Variants in POLH observed in about 807,000 individuals in gnomAD.
POLH encodes the protein DNA polymerase eta, also known as DNA polymerase eta transcript.
POLH carries 53 observed loss-of-function variants against 73.6 expected under a neutral mutation model. The ratio of observed to expected loss-of-function variants is 0.72; its 90% CI spans 0.58 to 0.91. The LOEUF (loss-of-function observed/expected upper bound fraction) is 0.91, where lower values mean the gene tolerates loss of function less well. Among genes scored for constraint, POLH ranks in the 40% least tolerant of loss-of-function variants. The probability of loss-of-function intolerance (pLI) is 0.00; values close to 1 mark genes in which losing one functional copy is unlikely to be tolerated. For synonymous variants in POLH, 292 were observed against 308.5 expected, an observed-to-expected ratio of 0.95 and a Z score of 0.56; for missense variants, 768 against 865.4, an observed-to-expected ratio of 0.89 and a Z score of 1.41.
intron 5 of POLH, among the ~76,000 whole-genome samples, chr6:43,599,277 C>A (rs904740745): frequency 1.8e-4 from 27 of 152,112 alleles, no homozygotes; most frequent in African/African-American, 5.3e-4. Context: ...GCATGAGCCA[C>A]CGCGCCCGGC....
chr6:43,602,116 G>A (rs775876096), intron 6 of POLH, among the ~76,000 whole-genome samples: 6 of 152,066 alleles, frequency 3.9e-5, no homozygotes, highest in South Asian at 2.1e-4. Flanking sequence ...TTAACTTCCC[G>A]CTAGACTTTT....
At position 43,614,227 on chromosome 6, in the gene POLH, G is replaced by A; in HGVS notation, c.1812G>A (p.Met604Ile). ...EMDLAHNSQS[M>I]HASSASKSVL... ...ATTTGGCCCACAACAGCCAAAGCAT[G>A]CACGCCTCTTCAGCTTCCAAATCTG... The change falls in exon 11 of 11, where the codon ATG becomes ATA. Residue 604 changes from methionine to isoleucine, a missense_variant. Transcript: ENST00000372236. The A allele has an allele frequency of 6.2e-7, 1 of 1,610,444 alleles. No individual in the cohort carries two copies. Among genetic ancestry groups the A allele is most frequent in the Non-Finnish European group, 8.5e-7 (1 of 1,177,204 alleles).
chr6:43,600,990 C>G lies in POLH; in HGVS notation c.663C>G (p.Val221=), dbSNP rs1210220907. The G allele has an allele frequency of 1.9e-6, 3 of 1,612,436 alleles. No individual in the cohort carries two copies. The South Asian group carries it at 3.3e-5, about 18-fold the overall frequency. Residue 221 remains valine, a splice_region_variant and synonymous_variant, in exon 6 of 11, where the codon GTC becomes GTG. Transcript: ENST00000372236. The part of the protein sequence containing the change: ...QCSAGISHNK[V]LAKLACGLNK... ...TTTTATACTTTGCATGCTTCCAGGT[C>G]CTGGCAAAACTGGCCTGTGGACTAA... is the stretch of plus-strand genomic sequence containing the variant.
intron 5 of POLH, among the ~76,000 whole-genome samples, chr6:43,598,527 C>T (rs1480016465): frequency 3.3e-5 from 5 of 151,084 alleles, no homozygotes; most frequent in South Asian, 4.2e-4. Flanking sequence ...CCCAGCTACC[C>T]GGGAGGCTGA....
intron 5 of POLH, among the ~76,000 whole-genome samples, chr6:43,599,981 A>C (rs1766546671): frequency 2.0e-5 from 3 of 151,778 alleles, no homozygotes. Flanking sequence ...CAATATGGAG[A>C]AACTCCGTCT....
At chr6:43,583,345 G>C (rs1162652179) in intron 3 of POLH, among the ~76,000 whole-genome samples, 1 of 152,160 alleles carries the variant, frequency 6.6e-6, no homozygotes, top group Non-Finnish European at 1.5e-5. Flanking sequence ...CCATATAAGA[G>C]TTGCTGCCTT....
At chr6:43,606,203 A>G (rs1372775597) in intron 9 of POLH, among the ~76,000 whole-genome samples, 1 of 151,936 alleles carries the variant, frequency 6.6e-6, no homozygotes, top group East Asian at 1.9e-4. Context: ...CTCTAATAGA[A>G]TTTTATTAAC....
In POLH at chr6:43,614,800, G is replaced by A; in HGVS notation, c.*243G>A. 1 of 491,100 alleles carries A rather than the reference G, an allele frequency of 2.0e-6. No homozygotes were observed. Among genetic ancestry groups the A allele is most frequent in the East Asian group, 3.5e-5 (1 of 28,508 alleles). The allele number at this position is 491,100 out of a possible 1,614,324, so 30.4% of individuals were successfully genotyped here. ...GTTTTTAATCTTTAGCATTTAGGGA[G>A]GCAGTGTCATAAAGTAAAAAGTGTG... On this transcript the variant is annotated 3_prime_UTR_variant, in exon 11 of 11. Transcript: ENST00000372236.
intron 4 of POLH, among the ~76,000 whole-genome samples, chr6:43,589,113 C>T (rs1765166081): frequency 6.6e-6 from 1 of 152,248 alleles, no homozygotes; most frequent in South Asian, 2.1e-4. Context: ...GCTGGGATTA[C>T]AGGTGTGAGC....
intron 9 of POLH, among the ~76,000 whole-genome samples, chr6:43,608,534 T>C (rs931574144): frequency 1.3e-4 from 20 of 152,204 alleles, no homozygotes; most frequent in Non-Finnish European, 1.9e-4. Flanking sequence ...CACTTTTTTT[T>C]CCTAAGAGAC....
In POLH at chr6:43,578,526, A is replaced by G. The variant is rs922072021; in HGVS notation, c.-5+2086A>G. On this transcript the variant is annotated intron_variant, in intron 1 of 10. Coordinates refer to ENST00000372236, the MANE Select transcript of POLH (RefSeq NM_006502.3). ...GGGACAAGAGCGAGACTTTGTCTCA[A>G]AAAAAAAAAAGTGTCATGGTCATGA... 3.0e-5 allele frequency: 9 copies of G among 301,482 alleles called. No homozygotes were observed. In the Admixed American group the frequency reaches 3.9e-4, roughly 13 times the overall value. 18.7% of individuals were successfully genotyped at this position (301,482 alleles called of 1,614,324 possible).
At chr6:43,597,403 C>T (rs1009138162) in intron 4 of POLH, among the ~76,000 whole-genome samples, 6 of 152,218 alleles carry the variant, frequency 3.9e-5, no homozygotes, top group African/African-American at 1.4e-4. Flanking sequence ...GCGTGAGCCA[C>T]CGTGCCTGGC....
rs2127773194 is a variant in POLH, at chr6:43,582,431, C to G, written c.112C>G (p.Gln38Glu). The G allele has an allele frequency of 6.2e-7, 1 of 1,613,928 alleles. No individual in the cohort carries two copies. Among genetic ancestry groups the G allele is most frequent in the Non-Finnish European group, 8.5e-7 (1 of 1,179,820 alleles). The change falls in exon 2 of 11, where the codon CAG (glutamine) becomes GAG (glutamate). Residue 38 changes from glutamine to glutamate, a missense_variant. By Grantham distance (29) the Gln-to-Glu change is conservative (BLOSUM62 2). Transcript: ENST00000372236. ...HLRNKPCAVV[Q>E]YKSWKGGGII... ...GAGGAATAAACCTTGTGCAGTTGTA[C>G]AGTACAAATCATGGAAGGGTGGTGG...
intron 4 of POLH, among the ~76,000 whole-genome samples, chr6:43,589,210 T>C (rs569843118): frequency 6.6e-6 from 1 of 152,330 alleles, no homozygotes; most frequent in East Asian, 1.9e-4. Flanking sequence ...TTATTTGTAA[T>C]TGATGGCTTC....
chr6:43,591,346 T>A (rs1222553778), intron 4 of POLH: 1 of 152,138 alleles, frequency 6.6e-6, no homozygotes, highest in African/African-American at 2.4e-5. Flanking sequence ...GCAACACTGA[T>A]TTTTTTGGTG....
chr6:43,602,661 T>G (rs1391743773), intron 6 of POLH, among the ~76,000 whole-genome samples: 1 of 151,962 alleles, frequency 6.6e-6, no homozygotes, highest in East Asian at 1.9e-4. Context: ...AAGGCTGGGC[T>G]AAAGAATTTT....
At chr6:43,594,688 C>T (rs1394217706) in intron 4 of POLH, among the ~76,000 whole-genome samples, 2 of 151,896 alleles carry the variant, frequency 1.3e-5, no homozygotes, top group Non-Finnish European at 2.9e-5. Flanking sequence ...GCAACTCCGT[C>T]TCAAAAAAAA....
At chr6:43,587,579 GA>G in intron 4 of POLH, 90 bp downstream of exon 4, 1 of 915,334 alleles carries the variant, frequency 1.1e-6, no homozygotes, top group Non-Finnish European at 1.8e-6. Context: ...TAATTGAAAG[GA>G]AACTTAAACT....
At chr6:43,582,239 A>G (rs775262813) in intron 1 of POLH, 77 bp from the exon 2 acceptor site, 33 of 1,352,780 alleles carry the variant, frequency 2.4e-5, no homozygotes, top group Non-Finnish European at 3.0e-5. Context: ...CTCATCAGTG[A>G]AAGAATGGAA....
Sources: allele counts gnomAD v4.1 joint callset (sites outside exome capture counted in the v4.1 genomes callset), GRCh38; gene constraint gnomAD v4.1.1; transcripts MANE v1.5; gene names NCBI Gene and HGNC (gene_info 2026-07-23, HGNC 2026-07-21).